PTPRZ1: variants seen among roughly 807,000 people sequenced by gnomAD.
PTPRZ1 encodes the protein receptor-type tyrosine-protein phosphatase zeta.
A neutral mutation model predicts 214.1 loss-of-function variants in PTPRZ1; 82 were observed. That is an observed-to-expected ratio of 0.38 (90% CI 0.32 to 0.46). The LOEUF (loss-of-function observed/expected upper bound fraction) is 0.46. Ranked by LOEUF, PTPRZ1 falls within the 20% of genes least tolerant of loss-of-function variation. The probability of loss-of-function intolerance (pLI) is 1.00; values close to 1 mark genes in which losing one functional copy is unlikely to be tolerated. For missense variants in PTPRZ1, 2,603 were observed against 2,748.7 expected, an observed-to-expected ratio of 0.95 and a Z score of 1.19; for synonymous variants, 945 against 987.9, an observed-to-expected ratio of 0.96 and a Z score of 0.81.
chr7:121,887,963 T>G (rs564482933), intron 1 of PTPRZ1, among the ~76,000 whole-genome samples: 2 of 152,288 alleles, frequency 1.3e-5, no homozygotes, highest in East Asian at 3.9e-4. Context: ...TGTGAGATCC[T>G]GTTTGATTCA....
chr7:121,929,371 A>G (rs2116376992), intron 2 of PTPRZ1, among the ~76,000 whole-genome samples: 1 of 152,074 alleles, frequency 6.6e-6, no homozygotes, highest in South Asian at 2.1e-4. Flanking sequence ...TAATTTTTTT[A>G]TTATGTAACC....
intron 22 of PTPRZ1, 81 bp from the exon 23 acceptor site, chr7:122,044,341 C>A: frequency 6.6e-7 from 1 of 1,512,748 alleles, no homozygotes; most frequent in Non-Finnish European, 9.0e-7. Flanking sequence ...CCTTGTCTGT[C>A]AATGGAAGGT....
intron 8 of PTPRZ1, among the ~76,000 whole-genome samples, chr7:121,984,599 C>G (rs1797710764): frequency 6.6e-6 from 1 of 152,264 alleles, no homozygotes; most frequent in Non-Finnish European, 1.5e-5. Context: ...AAGTGCTCAT[C>G]TTTGTGTTGG....
intron 2 of PTPRZ1, among the ~76,000 whole-genome samples, chr7:121,936,160 T>A (rs905423059): frequency 3.3e-5 from 5 of 152,170 alleles, no homozygotes; most frequent in African/African-American, 1.2e-4. Flanking sequence ...TTCTGACTCT[T>A]TAAACCAAGA....
At chr7:121,957,244 C>T (rs1226933459) in intron 2 of PTPRZ1, among the ~76,000 whole-genome samples, 5 of 152,092 alleles carry the variant, frequency 3.3e-5, no homozygotes, top group South Asian at 2.1e-4. Flanking sequence ...GACAATCTCG[C>T]GGATCTTCTC....
At chr7:121,992,203 G>T (rs1325208272) in intron 8 of PTPRZ1, among the ~76,000 whole-genome samples, 2 of 152,146 alleles carry the variant, frequency 1.3e-5, no homozygotes, top group African/African-American at 4.8e-5. Context: ...AATACCTGAA[G>T]CTAAGACTGC....
At chr7:122,015,052 G>T (rs1376104127) in intron 12 of PTPRZ1, among the ~76,000 whole-genome samples, 1 of 152,126 alleles carries the variant, frequency 6.6e-6, no homozygotes, top group Non-Finnish European at 1.5e-5. Context: ...CTGACCAGAT[G>T]TTTCTTAGAG....
At chr7:121,923,220 T>G (rs1433824022) in intron 1 of PTPRZ1, among the ~76,000 whole-genome samples, 1 of 152,172 alleles carries the variant, frequency 6.6e-6, no homozygotes, top group East Asian at 1.9e-4. Flanking sequence ...TTCAAGGTCT[T>G]TAATGGTTCA....
chr7:121,983,556 A>C, intron 6 of PTPRZ1, 109 bp from the exon 7 acceptor site: 1 of 1,081,812 alleles, frequency 9.2e-7, no homozygotes, highest in South Asian at 1.9e-5. Context: ...TCAAAATCTC[A>C]GTTTTGATTA....
chr7:122,003,468 G>A (rs188453759), intron 10 of PTPRZ1, among the ~76,000 whole-genome samples: 1 of 152,112 alleles, frequency 6.6e-6, no homozygotes, highest in Non-Finnish European at 1.5e-5. Flanking sequence ...ATACCCAGCA[G>A]TCTTGGTAAA....
chr7:122,058,952 A>T lies in PTPRZ1; in HGVS notation c.6671+10A>T. 6.4e-7 allele frequency: 1 copy of T among 1,570,480 alleles called. No homozygotes were observed. Among genetic ancestry groups the T allele is most frequent in the Admixed American group, 1.7e-5 (1 of 58,914 alleles). ...TGATTGTTCATGATGAGTAAGTTCCATGTGTTAGATGGTTTCACACCTGCA... is the reference window on the plus strand; with the variant it reads ...TGATTGTTCATGATGAGTAAGTTCCTTGTGTTAGATGGTTTCACACCTGCA... On this transcript the variant is annotated intron_variant, in intron 28 of 29. Transcript: ENST00000393386.
intron 2 of PTPRZ1, among the ~76,000 whole-genome samples, chr7:121,944,233 A>G: frequency 6.6e-6 from 1 of 152,066 alleles, no homozygotes; most frequent in East Asian, 1.9e-4. Context: ...CTCTTGACAC[A>G]TTTATCCCTA....
intron 11 of PTPRZ1, among the ~76,000 whole-genome samples, chr7:122,007,471 A>T (rs1330371239): frequency 6.6e-6 from 1 of 152,156 alleles, no homozygotes; most frequent in Admixed American, 6.6e-5. Flanking sequence ...ATATTGTCAA[A>T]TCGAAAGAGA....
chr7:122,011,686 G>T lies in PTPRZ1; in HGVS notation c.2640G>T (p.Leu880=). The T allele has an allele frequency of 6.2e-7, 1 of 1,614,094 alleles. No homozygotes were observed. The highest frequency in any genetic ancestry group is 1.3e-5 in the African/African-American group (1 of 75,016). Residue 880 remains leucine, a synonymous_variant, in exon 12 of 30, where the codon CTG becomes CTT. Transcript: ENST00000393386. ...GCCTTGCTCAGTATTCTGATGTGCT[G>T]TCCACTACTCATGCTGCTTCAGAGA... ...EPSLAQYSDV[L]STTHAASETL...
chr7:121,897,886 A>C (rs1216422504), intron 1 of PTPRZ1, among the ~76,000 whole-genome samples: 1 of 152,204 alleles, frequency 6.6e-6, no homozygotes, highest in Non-Finnish European at 1.5e-5. Flanking sequence ...CTTATTACTT[A>C]TTTGGCCATT....
At chr7:121,915,863 G>A (rs903159489) in intron 1 of PTPRZ1, among the ~76,000 whole-genome samples, 3 of 152,152 alleles carry the variant, frequency 2.0e-5, no homozygotes, top group Non-Finnish European at 4.4e-5. Context: ...AAATTCCAAG[G>A]TGTAAATCCT....
chr7:121,928,413 G>A (rs1795827717), intron 2 of PTPRZ1, among the ~76,000 whole-genome samples, 192 bp downstream of exon 2: 1 of 152,132 alleles, frequency 6.6e-6, no homozygotes, highest in South Asian at 2.1e-4. Flanking sequence ...ATTTGGTAAT[G>A]TAGGGCTTAT....
Position 122,055,073 on chromosome 7 carries a change from T to C in PTPRZ1, c.6514T>C (p.Leu2172=), listed in dbSNP as rs1156974951. ...AAAACTTATAATTCAGGACTTTATC[T>C]TAGAAGCTACACAGGTAAGGATATA... ...EEKLIIQDFI[L]EATQDDYVLE... The change falls in exon 27 of 30, where the codon TTA becomes CTA. Residue 2172 remains leucine (L), a synonymous_variant. Transcript: ENST00000393386. 2 of 1,582,454 alleles carry C rather than the reference T, an allele frequency of 1.3e-6. No homozygotes were observed. Among genetic ancestry groups the C allele is most frequent in the Non-Finnish European group, 1.7e-6 (2 of 1,158,576 alleles).
At chr7:121,984,627 C>T (rs888915757) in intron 8 of PTPRZ1, among the ~76,000 whole-genome samples, 1 of 152,106 alleles carries the variant, frequency 6.6e-6, no homozygotes, top group African/African-American at 2.4e-5. Context: ...CAAGAAGGAG[C>T]CTAGCACCTT....
Sources: gnomAD v4.1 joint callset for allele counts (sites outside exome capture counted in the v4.1 genomes callset) on GRCh38, gnomAD v4.1.1 for gene constraint, MANE v1.5 for transcripts, NCBI Gene and HGNC (gene_info 2026-07-23, HGNC 2026-07-21) for gene names.